PIAS1: variants seen among roughly 807,000 people sequenced by gnomAD.
PIAS1 encodes the protein protein inhibitor of activated STAT 1.
A neutral mutation model predicts 71.3 loss-of-function variants in PIAS1; 6 were observed. The ratio of observed to expected loss-of-function variants is 0.08; its 90% CI spans 0.05 to 0.17. PIAS1 has a LOEUF of 0.17. Ranked by LOEUF, PIAS1 falls within the 10% of genes least tolerant of loss-of-function variation. The probability of loss-of-function intolerance (pLI) is 1.00; values close to 1 mark genes in which losing one functional copy is unlikely to be tolerated. For synonymous variants in PIAS1, 303 were observed against 292.9 expected, an observed-to-expected ratio of 1.03 and a Z score of -0.35; for missense variants, 555 against 793.6, an observed-to-expected ratio of 0.70 and a Z score of 3.61.
chr15:68,146,612 G>C lies in PIAS1; in HGVS notation c.740G>C (p.Ser247Thr). The change falls in exon 6 of 14, where the codon AGC (serine) becomes ACC (threonine). Residue 247 changes from serine to threonine, a missense_variant. By Grantham distance (58) the Ser-to-Thr change is moderately conservative. This residue lies in a region of PIAS1 where 134 missense variants were observed against 203.4 expected (regional missense o/e 0.66). Coordinates refer to ENST00000249636, the MANE Select transcript of PIAS1 (RefSeq NM_016166.3). The stretch of plus-strand genomic sequence containing the variant: ...AATGGCGTGGAACCAAAGCGACCCA[G>C]CCGACCAATTAATATCACCTCACTT... ...TKNGVEPKRP[S>T]RPINITSLVR... 1 of 1,613,286 alleles carries C rather than the reference G, an allele frequency of 6.2e-7. No homozygotes were observed. The highest frequency in any genetic ancestry group is 8.5e-7 in the Non-Finnish European group (1 of 1,179,378).
At chr15:68,142,460 C>G (rs903190530) in intron 4 of PIAS1, 123 bp downstream of exon 4, 1 of 731,820 alleles carries the variant, frequency 1.4e-6, no homozygotes, top group African/African-American at 1.8e-5. Context: ...GATAATATTC[C>G]TTATCAGGAA....
At chr15:68,168,917 A>G (rs529222262) in intron 8 of PIAS1, among the ~76,000 whole-genome samples, 56 of 152,224 alleles carry the variant, frequency 3.7e-4, no homozygotes, top group Non-Finnish European at 7.6e-4. Context: ...ATGAACTGAC[A>G]GCTGGAGATC....
intron 2 of PIAS1, among the ~76,000 whole-genome samples, chr15:68,094,317 T>G (rs115135821): frequency 0.014 from 2,107 of 151,988 alleles, 59 homozygotes; most frequent in African/African-American, 0.049. Flanking sequence ...TCTTTGGAGA[T>G]ATTTACACCT....
At position 68,150,197 on chromosome 15, in the gene PIAS1, G is replaced by GT. The variant is rs202076243; in HGVS notation, c.829-3388dup. ...TTGGGGAAAGTTTTGAAAATGTTTT[G>GT]TTTTTGTGTATGAAAAGAATAGCTC... On this transcript the variant is annotated intron_variant, in intron 6 of 13. Coordinates refer to ENST00000249636, the MANE Select transcript of PIAS1 (RefSeq NM_016166.3). 5.6e-3 allele frequency among the ~76,000 whole-genome samples: 844 copies of GT among 151,796 alleles called. 4 individuals are homozygous for GT. The highest frequency in any genetic ancestry group is 0.02 in the South Asian group (97 of 4,806).
intron 6 of PIAS1, among the ~76,000 whole-genome samples, chr15:68,148,444 T>C (rs1031916286): frequency 2.6e-5 from 4 of 152,182 alleles, no homozygotes; most frequent in Non-Finnish European, 4.4e-5. Flanking sequence ...TCTTTTTCTT[T>C]TTTTGAGACA....
At chr15:68,128,289 C>T (rs1200244303) in intron 2 of PIAS1, among the ~76,000 whole-genome samples, 1 of 152,184 alleles carries the variant, frequency 6.6e-6, no homozygotes, top group Non-Finnish European at 1.5e-5. Flanking sequence ...GCCTCAGCCT[C>T]CTGAGTAACT....
chr15:68,060,917 C>T (rs550134720), intron 1 of PIAS1, among the ~76,000 whole-genome samples: 8 of 152,314 alleles, frequency 5.3e-5, no homozygotes, highest in Non-Finnish European at 7.4e-5. Flanking sequence ...CTCTTGACCT[C>T]GTAATCTGCC....
intron 2 of PIAS1, among the ~76,000 whole-genome samples, chr15:68,140,104 G>A (rs1158863227): frequency 6.6e-6 from 1 of 152,136 alleles, no homozygotes; most frequent in African/African-American, 2.4e-5. Context: ...ATATATAAAT[G>A]GAGATGGAAG....
At chr15:68,134,697 G>A (rs1344956616) in intron 2 of PIAS1, among the ~76,000 whole-genome samples, 2 of 42,534 alleles carry the variant, frequency 4.7e-5, no homozygotes, top group African/African-American at 9.6e-5. Flanking sequence ...TCCCGGAAGG[G>A]GTGGCTGGCC....
intron 7 of PIAS1, among the ~76,000 whole-genome samples, chr15:68,155,449 TAAAAAAAAAAA>T (rs71937461): frequency 1.9e-5 from 2 of 103,336 alleles, no homozygotes; most frequent in East Asian, 8.4e-4. Flanking sequence ...ATGCTGCCTG[TAAAAAAAAAAA>T]AAAAAAAAAA....
At chr15:68,093,379 T>C (rs1567038342) in intron 2 of PIAS1, among the ~76,000 whole-genome samples, 1 of 152,266 alleles carries the variant, frequency 6.6e-6, no homozygotes, top group Non-Finnish European at 1.5e-5. Context: ...GTGAGCAGAA[T>C]TGTGCGGAAG....
rs766344324 is a variant in PIAS1 at position 68,179,564 on chromosome 15, C to CTTTTTTTTTTTTTTTT, written c.1482-1635_1482-1620dup. Among the ~76,000 whole-genome samples the CTTTTTTTTTTTTTTTT allele has an allele frequency of 8.9e-3, 357 of 40,098 alleles. 131 individuals are homozygous for CTTTTTTTTTTTTTTTT. The highest frequency in any genetic ancestry group is 0.011 in the Non-Finnish European group (240 of 22,758). The allele number at this position is 40,098 out of a possible 152,430, so 26.3% of individuals were successfully genotyped here. A position where few individuals can be genotyped will look rare whatever the true frequency, so the allele number is the denominator to read the frequency against. Reference sequence around the variant, plus strand: ...CAACCTTGTCATCTCGTGAAATGTTCTTTTTTTTTTTTTTTTTTTTTTTTT... The same window carrying CTTTTTTTTTTTTTTTT: ...CAACCTTGTCATCTCGTGAAATGTTCTTTTTTTTTTTTTTTTTTTTTTTTTTTTTTTTTTTTTTTTT... On this transcript the variant is annotated intron_variant, in intron 11 of 13. Coordinates refer to ENST00000249636, the MANE Select transcript of PIAS1 (RefSeq NM_016166.3).
In PIAS1 at chr15:68,118,579, C is replaced by A. The variant is rs559600148; in HGVS notation, c.470-23367C>A. 2.3e-4 allele frequency among the ~76,000 whole-genome samples: 35 copies of A among 152,238 alleles called. 1 individual carries two copies. In the South Asian group the frequency reaches 4.4e-3, roughly 19 times the overall value. Reference sequence around the variant, plus strand: ...CTGGTCTCTAACTCCTCGCCTCAAGCGATCCTCCCACCTCAGTCTCCTGAG... The same window carrying A: ...CTGGTCTCTAACTCCTCGCCTCAAGAGATCCTCCCACCTCAGTCTCCTGAG... On this transcript the variant is annotated intron_variant, in intron 2 of 13. Transcript: ENST00000249636.
intron 2 of PIAS1, among the ~76,000 whole-genome samples, chr15:68,121,240 G>C (rs2092610838): frequency 6.8e-6 from 1 of 147,550 alleles, no homozygotes; most frequent in South Asian, 2.2e-4. Context: ...TGAGTAAAGT[G>C]TTAACAGTTG....
intron 1 of PIAS1, among the ~76,000 whole-genome samples, chr15:68,056,563 T>C (rs1000105884): frequency 5.3e-5 from 8 of 152,178 alleles, no homozygotes; most frequent in African/African-American, 1.7e-4. Context: ...TTTTTCAAAT[T>C]ATAATAACTG....
intron 2 of PIAS1, 102 bp from the exon 3 acceptor site, chr15:68,141,844 A>C (rs370685809): frequency 5.7e-6 from 4 of 697,342 alleles, no homozygotes; most frequent in African/African-American, 5.5e-5. Flanking sequence ...AAACTCTAGA[A>C]TATATACCAG....
At chr15:68,172,961 T>G (rs1393070139) in intron 8 of PIAS1, among the ~76,000 whole-genome samples, 9 of 152,140 alleles carry the variant, frequency 5.9e-5, no homozygotes, top group Non-Finnish European at 1.0e-4. Flanking sequence ...CAATGCAGAG[T>G]GTGTGCACCT....
chr15:68,178,195 G>A lies in PIAS1; in HGVS notation c.1481+1541G>A, dbSNP rs1313375941. 6.6e-6 allele frequency among the ~76,000 whole-genome samples: 1 copy of A among 152,130 alleles called. No homozygotes were observed. The highest frequency in any genetic ancestry group is 2.4e-5 in the African/African-American group (1 of 41,408). Reference sequence around the variant, plus strand: ...TGATGGGGGAGGATCACTTGAACCTGGGAGGTGGAGGTTGCAGTGAGCTAA... The same window carrying A: ...TGATGGGGGAGGATCACTTGAACCTAGGAGGTGGAGGTTGCAGTGAGCTAA... On this transcript the variant is annotated intron_variant, in intron 11 of 13. Transcript: ENST00000249636. The surrounding 1 kb of genome is among the most constrained non-coding windows in gnomAD (Gnocchi z 4.2).
intron 2 of PIAS1, among the ~76,000 whole-genome samples, chr15:68,118,351 TAAAG>T (rs2092583767): frequency 6.6e-6 from 1 of 151,044 alleles, no homozygotes; most frequent in African/African-American, 2.4e-5. Flanking sequence ...AATAAATAAA[TAAAG>T]AGTCACAGTC....
Sources: allele counts gnomAD v4.1 joint callset (sites outside exome capture counted in the v4.1 genomes callset), GRCh38; gene constraint gnomAD v4.1.1; regional missense constraint gnomAD v4.1.1; non-coding constraint Gnocchi (gnomAD v3.1); transcripts MANE v1.5; gene names NCBI Gene and HGNC (gene_info 2026-07-23, HGNC 2026-07-21).